RECK: variants seen among roughly 807,000 people sequenced by gnomAD.
RECK encodes the protein reversion-inducing cysteine-rich protein with Kazal motifs.
Under a neutral mutation model 115.1 loss-of-function variants are expected in RECK, and 69 were observed. That is an observed-to-expected ratio of 0.60 (90% confidence interval 0.49 to 0.73). The LOEUF (loss-of-function observed/expected upper bound fraction) is 0.73, where lower values mean the gene tolerates loss of function less well. RECK is among the 30% of genes least tolerant of loss of function. RECK has a pLI of 0.00. For synonymous variants in RECK, 414 were observed against 419.7 expected (o/e 0.99, Z 0.17); for missense variants, 1,047 against 1,203.7 (o/e 0.87, Z 1.93).
chr9:36,063,691 A>G (rs10814326), intron 4 of RECK, 104 bp from the exon 5 acceptor site: 385,961 of 1,019,030 alleles, frequency 0.38, 77,155 homozygotes, highest in Middle Eastern at 0.47. Flanking sequence ...CAGTTTTCTT[A>G]TGGACAGCTG....
intron 2 of RECK, among the ~76,000 whole-genome samples, chr9:36,057,779 C>A (rs980938908): frequency 4.6e-5 from 7 of 152,188 alleles, no homozygotes; most frequent in Admixed American, 4.6e-4. Context: ...TGAGATCACA[C>A]CACTACACCC....
intron 11 of RECK, among the ~76,000 whole-genome samples, 183 bp from the exon 12 acceptor site, chr9:36,101,911 A>C (rs57157721): frequency 6.7e-4 from 102 of 152,338 alleles, no homozygotes; most frequent in African/African-American, 2.3e-3. Flanking sequence ...CTCAGACAAC[A>C]GAAAGTTAGG....
intron 10 of RECK, among the ~76,000 whole-genome samples, chr9:36,096,366 G>A (rs370332098): frequency 3.3e-5 from 5 of 151,534 alleles, no homozygotes; most frequent in African/African-American, 4.8e-5. Flanking sequence ...GTGAAACCTC[G>A]TCTCTACTAA....
At chr9:36,100,211 G>T (rs1383711917) in intron 10 of RECK, 120 bp from the exon 11 acceptor site, 6 of 691,484 alleles carry the variant, frequency 8.7e-6, no homozygotes, top group Non-Finnish European at 1.5e-5. Context: ...TTCATGGGTT[G>T]TATGTGCTTT....
At chr9:36,084,402 C>G (rs1284166023) in intron 8 of RECK, among the ~76,000 whole-genome samples, 4 of 151,390 alleles carry the variant, frequency 2.6e-5, no homozygotes, top group Non-Finnish European at 5.9e-5. Flanking sequence ...AAAAACAAAA[C>G]AAAACAAAAA....
chr9:36,068,050 C>T (rs1039100014), intron 6 of RECK, among the ~76,000 whole-genome samples: 1 of 152,086 alleles, frequency 6.6e-6, no homozygotes, highest in Non-Finnish European at 1.5e-5. Context: ...AAAAAGATAG[C>T]ATTTTGAGGC....
rs746728115 is a variant in RECK at position 36,094,581 on chromosome 9, TAG to T, written c.1085+3242_1085+3243del. 6.6e-6 allele frequency among the ~76,000 whole-genome samples: 1 copy of T among 152,056 alleles called. No homozygotes were observed. Among genetic ancestry groups the T allele is most frequent in the African/African-American group, 2.4e-5 (1 of 41,420 alleles). ...CAAATTGAAAACCACAGCAAAATGA[TAG>T]AGACTTAAACCCAACTGTATCAATA... On this transcript the variant is annotated intron_variant, in intron 10 of 20. Coordinates refer to ENST00000377966, the MANE Select transcript of RECK (RefSeq NM_021111.3). This position sits in a 1 kb window ranked among gnomAD's most constrained non-coding sequence, Gnocchi z 4.1.
Position 36,083,361 on chromosome 9 carries a change from A to G in RECK, c.440-4A>G, listed in dbSNP as rs200045095. The G allele has an allele frequency of 2.2e-3, 3,568 of 1,610,698 alleles. 13 individuals carry two copies. The highest frequency in any genetic ancestry group is 5.8e-3 in the South Asian group (525 of 90,472). ...GTCAGTGCCTTCTCTTTTTTTCTCC[A>G]TAGTGGGCTCGGTTTGTTGCAGTTA... is the stretch of plus-strand genomic sequence containing the variant. On this transcript the variant is annotated splice_region_variant and splice_polypyrimidine_tract_variant and intron_variant, in intron 7 of 20. Transcript: ENST00000377966.
intron 9 of RECK, among the ~76,000 whole-genome samples, chr9:36,089,095 G>A (rs908625806): frequency 3.9e-5 from 6 of 151,932 alleles, no homozygotes; most frequent in Non-Finnish European, 5.9e-5. Context: ...AATGAAAGAC[G>A]TGAAAAATCT....
intron 10 of RECK, 116 bp from the exon 11 acceptor site, chr9:36,100,215 G>A (rs1823508616): frequency 1.4e-6 from 1 of 724,070 alleles, no homozygotes; most frequent in Middle Eastern, 2.5e-4. Context: ...TGGGTTGTAT[G>A]TGCTTTCTTA....
chr9:36,103,413 G>A lies in RECK; in HGVS notation c.1435+1183G>A, dbSNP rs192200467. Among the ~76,000 whole-genome samples the A allele has an allele frequency of 2.0e-5, 3 of 152,310 alleles. No individual in the cohort carries two copies. The East Asian group carries it at 5.8e-4, about 29-fold the overall frequency. ...GCTTCAGTCATCAAGATTACTTAAT[G>A]TACTTTGTCATCACAACATGGCTAT... On this transcript the variant is annotated intron_variant, in intron 12 of 20. Transcript: ENST00000377966.
In RECK at chr9:36,063,887, C is replaced by G; in HGVS notation, c.357+7C>G. ...TCGACAGGCATGCAAGCAGGTAACACTGGGTAGTCAGGCTCTCAAACATCA... is the reference window on the plus strand; with the variant it reads ...TCGACAGGCATGCAAGCAGGTAACAGTGGGTAGTCAGGCTCTCAAACATCA... On this transcript the variant is annotated splice_region_variant and intron_variant, in intron 5 of 20. Coordinates refer to ENST00000377966, the MANE Select transcript of RECK (RefSeq NM_021111.3). 1 of 1,613,518 alleles carries G rather than the reference C, an allele frequency of 6.2e-7. No homozygotes were observed.
intron 6 of RECK, among the ~76,000 whole-genome samples, chr9:36,070,434 A>G (rs953462158): frequency 1.3e-5 from 2 of 152,138 alleles, no homozygotes; most frequent in Non-Finnish European, 2.9e-5. Flanking sequence ...AGAAAGTGTA[A>G]AAAGAATAGA....
chr9:36,080,788 A>T, intron 7 of RECK, 150 bp downstream of exon 7: 2 of 692,792 alleles, frequency 2.9e-6, no homozygotes, highest in South Asian at 1.9e-5. Context: ...TTAACTGTAG[A>T]TCTACAATGC....
At chr9:36,088,034 ACGTGTG>A in intron 9 of RECK, 73 bp downstream of exon 9, 1 of 1,129,338 alleles carries the variant, frequency 8.9e-7, no homozygotes, top group Non-Finnish European at 1.3e-6. Flanking sequence ...AGCCTAGCAA[ACGTGTG>A]TTATATTCTT....
chr9:36,078,844 G>A (rs1822559182), intron 6 of RECK, among the ~76,000 whole-genome samples: 1 of 151,878 alleles, frequency 6.6e-6, no homozygotes, highest in South Asian at 2.1e-4. Context: ...GTTGGTAGCC[G>A]ACTACCTTTA....
intron 10 of RECK, 100 bp from the exon 11 acceptor site, chr9:36,100,231 A>G: frequency 1.1e-6 from 1 of 929,918 alleles, no homozygotes; most frequent in Non-Finnish European, 1.6e-6. Context: ...TCTTAAGAAA[A>G]CCAGATTTTT....
chr9:36,076,705 A>C (rs916672485), intron 6 of RECK, among the ~76,000 whole-genome samples: 1 of 152,194 alleles, frequency 6.6e-6, no homozygotes, highest in African/African-American at 2.4e-5. Flanking sequence ...GAAAGATTTT[A>C]GGATCAAAAA....
At chr9:36,081,146 T>G (rs1404336092) in intron 7 of RECK, among the ~76,000 whole-genome samples, 1 of 151,988 alleles carries the variant, frequency 6.6e-6, no homozygotes, top group Non-Finnish European at 1.5e-5. Flanking sequence ...GGGTAAGATG[T>G]GAACAGTGGA....
Sources: allele counts gnomAD v4.1 joint callset (sites outside exome capture counted in the v4.1 genomes callset), GRCh38; gene constraint gnomAD v4.1.1; non-coding constraint Gnocchi (gnomAD v3.1); transcripts MANE v1.5; gene names NCBI Gene and HGNC (gene_info 2026-07-23, HGNC 2026-07-21).